FAM217B: variants seen among roughly 807,000 people sequenced by gnomAD.
FAM217B encodes the protein family with sequence similarity 217 member B, also known as protein FAM217B.
For synonymous variants in FAM217B, 163 were observed against 173.0 expected, an observed-to-expected ratio of 0.94 and a Z score of 0.45; for missense variants, 463 against 456.9, an observed-to-expected ratio of 1.01 and a Z score of -0.12.
intron 1 of FAM217B, among the ~76,000 whole-genome samples, chr20:59,934,032 C>G (rs1441176702): frequency 6.6e-6 from 1 of 152,108 alleles, no homozygotes; most frequent in East Asian, 2.0e-4. Context: ...GCGGGCGGGA[C>G]CAGGAGAAGC....
In FAM217B at chr20:59,944,253, C is replaced by T; in HGVS notation, c.310C>T (p.Pro104Ser). ...TGATCTCTCTGATTCGGAAAGAATT[C>T]CCATTCCTCCTTCTCCCCTCACACC... ...ASDLSDSERIPIPPSPLTPPD... is the reference protein window; with the variant it reads ...ASDLSDSERISIPPSPLTPPD... The change falls in exon 4 of 4, where the codon CCC becomes TCC. Residue 104 changes from proline to serine, a missense_variant. Pro to Ser is a moderately conservative substitution (Grantham distance 74, BLOSUM62 -1). Transcript: ENST00000360816. The T allele has an allele frequency of 6.2e-7, 1 of 1,614,120 alleles. No homozygotes were observed. The highest frequency in any genetic ancestry group is 8.5e-7 in the Non-Finnish European group (1 of 1,180,014).
At chr20:59,935,045 G>A (rs2060850482) in intron 1 of FAM217B, among the ~76,000 whole-genome samples, 1 of 152,152 alleles carries the variant, frequency 6.6e-6, no homozygotes, top group South Asian at 2.1e-4. Context: ...GGATTTGAGG[G>A]GATTTTATAT....
intron 3 of FAM217B, among the ~76,000 whole-genome samples, chr20:59,942,966 A>G (rs1481331374): frequency 1.3e-5 from 2 of 152,252 alleles, no homozygotes; most frequent in Admixed American, 6.5e-5. Context: ...ATTAAAATGT[A>G]GCACGTATTC....
rs2060936521 is a variant in FAM217B at position 59,946,258 on chromosome 20, TTGTGC to T, written c.*1168_*1172del. The T allele has an allele frequency of 6.0e-6, 1 of 167,092 alleles. No individual in the cohort carries two copies. The highest frequency in any genetic ancestry group is 2.4e-5 in the African/African-American group (1 of 41,454). The allele number at this position is 167,092 out of a possible 1,614,324, so 10.4% of individuals were successfully genotyped here. ...AAATAACATCTTCTTGTTCCTATAG[TTGTGC>T]TGTGAGTTTTCTGTTCATATTTGCG... On this transcript the variant is annotated 3_prime_UTR_variant, in exon 4 of 4. Transcript: ENST00000360816.
chr20:59,940,878 A>G (rs778744382), intron 1 of FAM217B, among the ~76,000 whole-genome samples: 3 of 152,036 alleles, frequency 2.0e-5, no homozygotes, highest in Non-Finnish European at 4.4e-5. Flanking sequence ...TGGGGAGGGG[A>G]GGTGCTGCTG....
upstream of FAM217B, chr20:59,937,046 CATA>C (rs2060866800): frequency 6.6e-6 from 1 of 152,574 alleles, no homozygotes; most frequent in Admixed American, 6.5e-5. Context: ...TTTTAAATTT[CATA>C]ATGTTGGTAT....
chr20:59,937,472 G>C (rs951086766), upstream of FAM217B: 2 of 152,380 alleles, frequency 1.3e-5, no homozygotes, highest in African/African-American at 4.8e-5. Context: ...AATTATAAAA[G>C]CACAGAGGTT....
upstream of FAM217B, chr20:59,940,137 A>C (rs188372078): frequency 2.8e-4 from 117 of 415,204 alleles, no homozygotes; most frequent in Admixed American, 3.1e-4. Flanking sequence ...CGGTTAAAGA[A>C]ATTGTAAGAG....
chr20:59,939,259 C>T (rs750284106), upstream of FAM217B: 81 of 1,611,388 alleles, frequency 5.0e-5, no homozygotes, highest in East Asian at 2.2e-4. Flanking sequence ...CCTGCGGGCC[C>T]GCGCCACCGC....
Position 59,946,914 on chromosome 20 carries a change from T to C in FAM217B, c.*1819T>C, listed in dbSNP as rs1172077455. 1 of 167,120 alleles carries C rather than the reference T, an allele frequency of 6.0e-6. No homozygotes were observed. Among genetic ancestry groups the C allele is most frequent in the East Asian group, 1.9e-4 (1 of 5,202 alleles). The allele number at this position is 167,120 out of a possible 1,614,324, so 10.4% of individuals were successfully genotyped here. ...GCCTGCCCTTTTTTGTGAGCACAGA[T>C]TAGTCTGTTATCCATGGCTGGCACT... is the stretch of plus-strand genomic sequence containing the variant. On this transcript the variant is annotated 3_prime_UTR_variant, in exon 4 of 4. Coordinates refer to ENST00000360816, the MANE Select transcript of FAM217B (RefSeq NM_022106.3).
At position 59,946,329 on chromosome 20, in the gene FAM217B, T is replaced by C. The variant is rs1249622253; in HGVS notation, c.*1234T>C. ...CGGCCCATGTCATTATAGTTGATTTTATCCCTTTAAACAATTACTGTATTT... is the reference window on the plus strand; with the variant it reads ...CGGCCCATGTCATTATAGTTGATTTCATCCCTTTAAACAATTACTGTATTT... On this transcript the variant is annotated 3_prime_UTR_variant, in exon 4 of 4. Coordinates refer to ENST00000360816, the MANE Select transcript of FAM217B (RefSeq NM_022106.3). 1 of 167,108 alleles carries C rather than the reference T, an allele frequency of 6.0e-6. No homozygotes were observed. The highest frequency in any genetic ancestry group is 2.4e-5 in the African/African-American group (1 of 41,462). The allele number at this position is 167,108 out of a possible 1,614,324, so 10.4% of individuals were successfully genotyped here. A position where few individuals can be genotyped will look rare whatever the true frequency, so the allele number is the denominator to read the frequency against.
At position 59,947,941 on chromosome 20, in the gene FAM217B, C is replaced by T. The variant is rs942350221; in HGVS notation, c.*2846C>T. 6.1e-6 allele frequency: 1 copy of T among 165,190 alleles called. No homozygotes were observed. Among genetic ancestry groups the T allele is most frequent in the African/African-American group, 2.5e-5 (1 of 40,762 alleles). The allele number at this position is 165,190 out of a possible 1,614,324, so 10.2% of individuals were successfully genotyped here. On this transcript the variant is annotated 3_prime_UTR_variant, in exon 4 of 4. Transcript: ENST00000360816. ...ACTGAGTGTTTTGCTAGTCTAGTGACATGGGTTATTGTATTTCCGAGAAGT... is the reference window on the plus strand; with the variant it reads ...ACTGAGTGTTTTGCTAGTCTAGTGATATGGGTTATTGTATTTCCGAGAAGT...
rs2060934209 is a variant in FAM217B at position 59,945,837 on chromosome 20, A to G, written c.*742A>G. ...TAAAATAACTTGCAGAATTTTCCAA[A>G]GTCAATGGGCTTAGCATGATTACTG... On this transcript the variant is annotated 3_prime_UTR_variant, in exon 4 of 4. Coordinates refer to ENST00000360816, the MANE Select transcript of FAM217B (RefSeq NM_022106.3). 1 of 167,048 alleles carries G rather than the reference A, an allele frequency of 6.0e-6. No individual in the cohort carries two copies. Among genetic ancestry groups the G allele is most frequent in the Admixed American group, 6.5e-5 (1 of 15,282 alleles). The allele number at this position is 167,048 out of a possible 1,614,324, so 10.3% of individuals were successfully genotyped here.
At chr20:59,937,649 T>C (rs1179635188), upstream of FAM217B, 1 of 151,198 alleles carries the variant, frequency 6.6e-6, no homozygotes, top group Non-Finnish European at 1.5e-5. Flanking sequence ...AAATTGGAGA[T>C]CTTGTCCTTC....
intron 3 of FAM217B, among the ~76,000 whole-genome samples, chr20:59,943,454 A>G (rs1170799503): frequency 6.6e-6 from 1 of 152,250 alleles, no homozygotes; most frequent in Non-Finnish European, 1.5e-5. Flanking sequence ...GCCACCAATC[A>G]GTGATTAAAC....
chr20:59,939,335 G>A (rs2145946493), upstream of FAM217B: 1 of 1,611,454 alleles, frequency 6.2e-7, no homozygotes, highest in South Asian at 1.1e-5. Flanking sequence ...GCTTCTCGAA[G>A]GCCACGTTGC....
upstream of FAM217B, chr20:59,939,514 C>G (rs761446726): frequency 6.2e-7 from 1 of 1,612,032 alleles, no homozygotes. Flanking sequence ...CAGCACAGGT[C>G]CGAGTTGATT....
At chr20:59,939,773 T>TGGC, upstream of FAM217B, 10 of 1,223,226 alleles carry the variant, frequency 8.2e-6, no homozygotes, top group African/African-American at 1.6e-5. Flanking sequence ...GCGCTGGCGT[T>TGGC]GGCGGCGGCG....
At position 59,945,787 on chromosome 20, in the gene FAM217B, A is replaced by T. The variant is rs552719026; in HGVS notation, c.*692A>T. On this transcript the variant is annotated 3_prime_UTR_variant, in exon 4 of 4. Coordinates refer to ENST00000360816, the MANE Select transcript of FAM217B (RefSeq NM_022106.3). ...AAACTTAGAGGTGGTGGTAAAACCT[A>T]CTTTTGAGTTCTCCGAACTGAGGTT... 6.0e-6 allele frequency: 1 copy of T among 166,634 alleles called. No homozygotes were observed. The highest frequency in any genetic ancestry group is 1.5e-5 in the Non-Finnish European group (1 of 68,020). 10.3% of individuals were successfully genotyped at this position (166,634 alleles called of 1,614,324 possible).
Sources: gnomAD v4.1 joint callset for allele counts (sites outside exome capture counted in the v4.1 genomes callset) on GRCh38, gnomAD v4.1.1 for gene constraint, MANE v1.5 for transcripts, NCBI Gene and HGNC (gene_info 2026-07-23, HGNC 2026-07-21) for gene names.